GRIP2: variants seen among roughly 807,000 people sequenced by gnomAD.
The protein encoded by GRIP2 is glutamate receptor-interacting protein 2.
A neutral mutation model predicts 108.3 loss-of-function variants in GRIP2; 58 were observed. The ratio of observed to expected loss-of-function variants is 0.54; its 90% CI spans 0.43 to 0.67. The LOEUF is 0.67. GRIP2 is among the 30% of genes least tolerant of loss of function. The probability of loss-of-function intolerance (pLI) is 0.00; values close to 1 mark genes in which losing one functional copy is unlikely to be tolerated. For synonymous variants in GRIP2, 586 were observed against 598.2 expected (o/e 0.98, Z 0.30); for missense variants, 1,278 against 1,430.6 (o/e 0.89, Z 1.72).
the GRIP2 span, among the ~76,000 whole-genome samples, chr3:14,572,280 C>T: frequency 6.6e-5 from 10 of 150,574 alleles, no homozygotes; most frequent in African/African-American, 1.5e-4. Context: ...TTTTCTAAAA[C>T]GCTCCCAGGT....
At position 14,511,591 on chromosome 3, in the gene GRIP2, G is replaced by T. The variant is rs1286169000; in HGVS notation, c.1721-112C>A. On this transcript the variant is annotated intron_variant, in intron 14 of 23. Coordinates refer to ENST00000621039, the MANE Select transcript of GRIP2 (RefSeq NM_001080423.4). The surrounding 1 kb of genome is among the most constrained non-coding windows in gnomAD (Gnocchi z 4.1). ...GAGCCACTGGTCCTACTCACATCCT[G>T]GTCCCACTGCTTCCTGGCTGGGTGA... 1.5e-5 allele frequency: 15 copies of T among 969,856 alleles called. No homozygotes were observed. The highest frequency in any genetic ancestry group is 2.4e-5 in the Non-Finnish European group (15 of 630,744). The allele number at this position is 969,856 out of a possible 1,614,324, so 60.1% of individuals were successfully genotyped here. A position where few individuals can be genotyped will look rare whatever the true frequency, so the allele number is the denominator to read the frequency against.
rs1309951916 is a variant in GRIP2, at chr3:14,492,618, TC to T, written c.*1046del. 6.6e-6 allele frequency: 1 copy of T among 152,340 alleles called. No individual in the cohort carries two copies. The highest frequency in any genetic ancestry group is 2.4e-5 in the African/African-American group (1 of 41,464). 9.4% of individuals were successfully genotyped at this position (152,340 alleles called of 1,614,324 possible). A position where few individuals can be genotyped will look rare whatever the true frequency, so the allele number is the denominator to read the frequency against. On this transcript the variant is annotated 3_prime_UTR_variant, in exon 24 of 24. Transcript: ENST00000621039. ...CCCATTTCTCTCCCATCTCCCTCCC[TC>T]TTTCTCCTCTTCCTCCACTGATCTG... is the stretch of plus-strand genomic sequence containing the variant.
chr3:14,584,594 G>A, the GRIP2 span, among the ~76,000 whole-genome samples: 3 of 152,192 alleles, frequency 2.0e-5, no homozygotes, highest in Non-Finnish European at 4.4e-5. Context: ...GTGGGAGGTA[G>A]GCAGCAGCCT....
chr3:14,545,913 G>A (rs571825015), upstream of GRIP2, among the ~76,000 whole-genome samples: 1 of 152,318 alleles, frequency 6.6e-6, no homozygotes, highest in Admixed American at 6.5e-5. Context: ...CTTTCTTAGA[G>A]CTTCTGGTCT....
chr3:14,534,156 G>A (rs1046474718), intron 1 of GRIP2, among the ~76,000 whole-genome samples: 4 of 152,146 alleles, frequency 2.6e-5, no homozygotes, highest in Non-Finnish European at 5.9e-5. Context: ...TCTCTTTCAC[G>A]AACATCCTCA....
chr3:14,537,658 C>T (rs2124955233), intron 1 of GRIP2, among the ~76,000 whole-genome samples: 1 of 152,376 alleles, frequency 6.6e-6, no homozygotes, highest in South Asian at 2.1e-4. Flanking sequence ...CCCATGGCCA[C>T]AGCCCCTGCT....
chr3:14,555,178 C>T (rs1228575020), intron 1 of GRIP2, among the ~76,000 whole-genome samples: 2 of 152,090 alleles, frequency 1.3e-5, no homozygotes, highest in Non-Finnish European at 2.9e-5. Context: ...CAGGCTGGGG[C>T]TCAGCACAGA....
upstream of GRIP2, among the ~76,000 whole-genome samples, chr3:14,545,493 C>G (rs999417130): frequency 6.6e-6 from 1 of 152,228 alleles, no homozygotes; most frequent in Non-Finnish European, 1.5e-5. Flanking sequence ...CCTGACTGGG[C>G]AGGGTCAAGT....
intron 21 of GRIP2, among the ~76,000 whole-genome samples, chr3:14,501,584 C>T (rs1693765426): frequency 1.3e-5 from 2 of 152,076 alleles, no homozygotes; most frequent in Non-Finnish European, 2.9e-5. Context: ...AAATAACTAG[C>T]TAAAAAAGCA....
At chr3:14,572,555 T>C in the GRIP2 span, among the ~76,000 whole-genome samples, 22,602 of 124,224 alleles carry the variant, frequency 0.18, 2,003 homozygotes, top group Admixed American at 0.25. Context: ...GAGCTTGCAG[T>C]GAGCCGAGAT....
chr3:14,573,653 G>A, the GRIP2 span: 2 of 1,502,606 alleles, frequency 1.3e-6, no homozygotes, highest in Admixed American at 3.4e-5. Flanking sequence ...AGTCCATGTG[G>A]GGAAGGTTGG....
chr3:14,524,460 G>T lies in GRIP2; in HGVS notation c.336C>A (p.Ile112=). 6.3e-7 allele frequency: 1 copy of T among 1,598,128 alleles called. No homozygotes were observed. The highest frequency in any genetic ancestry group is 8.5e-7 in the Non-Finnish European group (1 of 1,172,474). The stretch of plus-strand genomic sequence containing the variant: ...CGCCCACATTCTTGAGCAGGGTGAT[G>T]ATCTCATCGTGGCGGAGCCTGGTCA... ...IHLTRLRHDE[I]ITLLKNVGER... The change falls in exon 4 of 24, where the codon ATC becomes ATA. Residue 112 remains isoleucine (I), a synonymous_variant. Coordinates refer to ENST00000621039, the MANE Select transcript of GRIP2 (RefSeq NM_001080423.4).
intron 1 of GRIP2, among the ~76,000 whole-genome samples, chr3:14,529,622 G>C (rs907147026): frequency 1.3e-5 from 2 of 151,164 alleles, no homozygotes; most frequent in African/African-American, 4.9e-5. Flanking sequence ...TTTTATCTTT[G>C]TTCTGTTTTT....
intron 1 of GRIP2, among the ~76,000 whole-genome samples, chr3:14,537,793 C>G (rs1354411047): frequency 6.6e-6 from 1 of 152,218 alleles, no homozygotes; most frequent in Non-Finnish European, 1.5e-5. Flanking sequence ...TACACCCACA[C>G]CCACTGAGAC....
chr3:14,512,883 C>CG lies in GRIP2; in HGVS notation c.1640-27dup. The CG allele has an allele frequency of 6.2e-7, 1 of 1,608,842 alleles. No individual in the cohort carries two copies. The highest frequency in any genetic ancestry group is 1.1e-5 in the South Asian group (1 of 90,976). ...CTGGGGGTAGATGGACATAAACCGA[C>CG]GTGAGGACCCAGAGGAGGAGCCTCA... On this transcript the variant is annotated intron_variant, in intron 13 of 23. Coordinates refer to ENST00000621039, the MANE Select transcript of GRIP2 (RefSeq NM_001080423.4). This position sits in a 1 kb window ranked among gnomAD's most constrained non-coding sequence, Gnocchi z 5.1.
intron 12 of GRIP2, 65 bp from the exon 13 acceptor site, chr3:14,513,875 C>G (rs1368046201): frequency 1.3e-6 from 2 of 1,569,610 alleles, no homozygotes; most frequent in South Asian, 2.4e-5. Flanking sequence ...GACAAGAACG[C>G]CATGCAGGGC....
the GRIP2 span, among the ~76,000 whole-genome samples, chr3:14,579,366 C>T: frequency 2.6e-5 from 4 of 152,164 alleles, no homozygotes; most frequent in African/African-American, 4.8e-5. Flanking sequence ...CTAAACTGTA[C>T]ACTAAAAATG....
chr3:14,517,560 G>A (rs1352220446), intron 10 of GRIP2, among the ~76,000 whole-genome samples: 2 of 141,440 alleles, frequency 1.4e-5, no homozygotes, highest in East Asian at 2.1e-4. Context: ...GAAGTGCGGC[G>A]GTGTGATCTT....
the GRIP2 span, among the ~76,000 whole-genome samples, chr3:14,589,950 A>C: frequency 6.6e-6 from 1 of 151,124 alleles, no homozygotes; most frequent in Admixed American, 6.6e-5. Flanking sequence ...GAACCATCAC[A>C]CCTGGCCACT....
Sources: allele counts gnomAD v4.1 joint callset (sites outside exome capture counted in the v4.1 genomes callset), GRCh38; gene constraint gnomAD v4.1.1; non-coding constraint Gnocchi (gnomAD v3.1); transcripts MANE v1.5; gene names NCBI Gene and HGNC (gene_info 2026-07-23, HGNC 2026-07-21).